Variants in CYP4X1 observed in about 807,000 individuals in gnomAD.
The protein encoded by CYP4X1 is cytochrome P450 family 4 subfamily X member 1, also known as cytochrome P450 4X1.
Under a neutral mutation model 57.9 loss-of-function variants are expected in CYP4X1, and 44 were observed. The ratio of observed to expected loss-of-function variants is 0.76; its 90% confidence interval spans 0.60 to 0.98. The LOEUF is 0.98. CYP4X1 is among the 50% of genes least tolerant of loss of function. The pLI, the probability that CYP4X1 is intolerant of heterozygous loss-of-function variation, is 0.00. For missense variants in CYP4X1, 532 were observed against 623.9 expected (o/e 0.85, Z 1.57); for synonymous variants, 227 against 228.6 (o/e 0.99, Z 0.06).
At chr1:47,012,513 A>T in the CYP4X1 span, among the ~76,000 whole-genome samples, 1 of 152,186 alleles carries the variant, frequency 6.6e-6, no homozygotes, top group African/African-American at 2.4e-5. Context: ...CGTACGTAAC[A>T]AACCTGCACG....
chr1:46,985,027 C>T, the CYP4X1 span, among the ~76,000 whole-genome samples: 2 of 152,150 alleles, frequency 1.3e-5, no homozygotes, highest in Non-Finnish European at 2.9e-5. Flanking sequence ...TGGGGAGAGG[C>T]GTATCTGCCA....
chr1:46,993,260 A>G, the CYP4X1 span, among the ~76,000 whole-genome samples: 4,736 of 151,752 alleles, frequency 0.031, 134 homozygotes, highest in African/African-American at 0.08. Flanking sequence ...AAGGACATGA[A>G]CTCATCCTTT....
At chr1:47,045,129 T>A (rs1342279393) in intron 8 of CYP4X1, among the ~76,000 whole-genome samples, 1 of 152,110 alleles carries the variant, frequency 6.6e-6, no homozygotes. Context: ...CTGGCCAGAA[T>A]TACTCTTATT....
At chr1:47,047,862 G>T (rs151152491) in intron 9 of CYP4X1, among the ~76,000 whole-genome samples, 1 of 152,052 alleles carries the variant, frequency 6.6e-6, no homozygotes, top group Admixed American at 6.6e-5. Flanking sequence ...CTCCCAAAGC[G>T]CTGGGACTAC....
chr1:46,968,960 C>CA, the CYP4X1 span, among the ~76,000 whole-genome samples: 1 of 152,092 alleles, frequency 6.6e-6, no homozygotes, highest in Non-Finnish European at 1.5e-5. Flanking sequence ...GTTCTGAGCT[C>CA]GAATTTGTGC....
the CYP4X1 span, among the ~76,000 whole-genome samples, chr1:46,982,277 G>T: frequency 6.6e-6 from 1 of 151,834 alleles, no homozygotes; most frequent in Non-Finnish European, 1.5e-5. Flanking sequence ...TGATTCCTTG[G>T]AATGAGTTTC....
chr1:47,035,554 C>T (rs968167810), intron 4 of CYP4X1, among the ~76,000 whole-genome samples: 5 of 152,120 alleles, frequency 3.3e-5, no homozygotes, highest in African/African-American at 7.2e-5. Context: ...ATTGAAAAGC[C>T]GCAGATCTTT....
chr1:47,008,650 C>A, the CYP4X1 span, among the ~76,000 whole-genome samples: 2 of 152,106 alleles, frequency 1.3e-5, no homozygotes. Flanking sequence ...AGAGTCAAGA[C>A]CCATCAGTGT....
chr1:47,008,693 G>A, the CYP4X1 span, among the ~76,000 whole-genome samples: 1 of 152,146 alleles, frequency 6.6e-6, no homozygotes, highest in Non-Finnish European at 1.5e-5. Context: ...CATGTGCAGA[G>A]ACACACATAG....
chr1:47,049,985 C>A lies in CYP4X1; in HGVS notation c.1356-15C>A. The A allele has an allele frequency of 6.2e-7, 1 of 1,608,964 alleles. No homozygotes were observed. Among genetic ancestry groups the A allele is most frequent in the Non-Finnish European group, 8.5e-7 (1 of 1,178,062 alleles). On this transcript the variant is annotated splice_polypyrimidine_tract_variant and intron_variant, in intron 11 of 11. Transcript: ENST00000371901. ...CATTTTTTCAAGTATCACTTTCTTT[C>A]CCTCTTGTCTTCAGGAACTGCATTG...
At chr1:47,055,213 G>A (rs1001450136), downstream of CYP4X1, among the ~76,000 whole-genome samples, 3 of 152,086 alleles carry the variant, frequency 2.0e-5, no homozygotes, top group Non-Finnish European at 4.4e-5. Flanking sequence ...TTATATGCTG[G>A]ATTATGTTTA....
At chr1:47,013,696 A>G in the CYP4X1 span, among the ~76,000 whole-genome samples, 1 of 140,262 alleles carries the variant, frequency 7.1e-6, no homozygotes, top group Non-Finnish European at 1.5e-5. Context: ...TGTTAAGCAA[A>G]TAAACTCTTT....
chr1:46,975,011 T>C, the CYP4X1 span, among the ~76,000 whole-genome samples: 1 of 152,192 alleles, frequency 6.6e-6, no homozygotes, highest in African/African-American at 2.4e-5. Context: ...AATAAGTACA[T>C]CATGGAGAAT....
intron 8 of CYP4X1, among the ~76,000 whole-genome samples, chr1:47,045,541 C>T (rs1644291646): frequency 6.6e-6 from 1 of 152,192 alleles, no homozygotes; most frequent in East Asian, 1.9e-4. Context: ...TTCTTTCCAT[C>T]CCAGCTTGGT....
the CYP4X1 span, among the ~76,000 whole-genome samples, chr1:47,003,823 A>G: frequency 3.9e-5 from 6 of 152,176 alleles, no homozygotes. Flanking sequence ...TTGAGCAGAG[A>G]TAAATATCCA....
chr1:46,990,487 TGTG>T, the CYP4X1 span, among the ~76,000 whole-genome samples: 5 of 152,180 alleles, frequency 3.3e-5, no homozygotes, highest in Non-Finnish European at 2.9e-5. Flanking sequence ...TGGAAGACAA[TGTG>T]GTGATTCCTC....
chr1:47,008,132 A>G, the CYP4X1 span, among the ~76,000 whole-genome samples: 4 of 152,202 alleles, frequency 2.6e-5, no homozygotes, highest in African/African-American at 9.7e-5. Flanking sequence ...CAGATTCACC[A>G]AAGTTGCAAT....
the CYP4X1 span, among the ~76,000 whole-genome samples, chr1:46,989,175 T>C: frequency 6.6e-6 from 1 of 152,162 alleles, no homozygotes; most frequent in Non-Finnish European, 1.5e-5. Context: ...AAAATCTCCT[T>C]AAGCTGATAA....
chr1:46,961,635 T>C, the CYP4X1 span: 1 of 1,289,892 alleles, frequency 7.8e-7, no homozygotes, highest in Admixed American at 2.3e-5. Context: ...CAGCTGAAGT[T>C]CCCACCCTGC....
Sources: gnomAD v4.1 joint callset for allele counts (sites outside exome capture counted in the v4.1 genomes callset) on GRCh38, gnomAD v4.1.1 for gene constraint, MANE v1.5 for transcripts, NCBI Gene and HGNC (gene_info 2026-07-23, HGNC 2026-07-21) for gene names.